Variants in PTN observed in about 807,000 individuals in gnomAD.
PTN encodes the protein heparin affin regulatory protein.
PTN carries 18 observed loss-of-function variants against 24.1 expected under a neutral mutation model. The observed-to-expected ratio is 0.75, with a 90% CI of 0.52 to 1.11. The LOEUF (loss-of-function observed/expected upper bound fraction) is 1.11, where lower values mean the gene tolerates loss of function less well. Ranked by LOEUF, PTN falls within the 50% of genes least tolerant of loss-of-function variation. The pLI, the probability that PTN is intolerant of heterozygous loss-of-function variation, is 0.00. For missense variants in PTN, 163 were observed against 198.8 expected, an observed-to-expected ratio of 0.82 and a Z score of 1.08; for synonymous variants, 78 against 68.6, an observed-to-expected ratio of 1.14 and a Z score of -0.67.
At chr7:137,269,278 C>A (rs527727399) in intron 1 of PTN, among the ~76,000 whole-genome samples, 7 of 152,172 alleles carry the variant, frequency 4.6e-5, no homozygotes, top group Non-Finnish European at 7.4e-5. Context: ...TCTATTGTTG[C>A]TCTCTTGATC....
At chr7:137,272,686 A>G (rs532999597) in intron 1 of PTN, among the ~76,000 whole-genome samples, 1 of 152,272 alleles carries the variant, frequency 6.6e-6, no homozygotes, top group African/African-American at 2.4e-5. Flanking sequence ...AATGCTAGCA[A>G]TTGACTTTCT....
chr7:137,302,320 C>T (rs1809818742), intron 1 of PTN, among the ~76,000 whole-genome samples: 1 of 151,962 alleles, frequency 6.6e-6, no homozygotes, highest in Non-Finnish European at 1.5e-5. Flanking sequence ...CCTCTAAGTT[C>T]TAGTTTCCAA....
intron 4 of PTN, among the ~76,000 whole-genome samples, chr7:137,249,700 G>A (rs187225829): frequency 1.3e-5 from 2 of 152,268 alleles, no homozygotes; most frequent in East Asian, 1.9e-4. Context: ...TTAGATTTAT[G>A]TGGTTGTCTC....
intron 1 of PTN, among the ~76,000 whole-genome samples, chr7:137,267,982 C>T (rs1157755252): frequency 1.3e-5 from 2 of 152,012 alleles, no homozygotes; most frequent in Non-Finnish European, 2.9e-5. Context: ...CAAGTCAAAA[C>T]AAAAACAAAA....
chr7:137,284,366 G>T (rs1809521927), intron 1 of PTN, among the ~76,000 whole-genome samples: 1 of 151,984 alleles, frequency 6.6e-6, no homozygotes, highest in African/African-American at 2.4e-5. Flanking sequence ...AAAAGGAAGA[G>T]GTCTTTTATT....
intron 1 of PTN, among the ~76,000 whole-genome samples, chr7:137,256,491 T>A (rs1486791685): frequency 2.0e-5 from 3 of 152,352 alleles, no homozygotes; most frequent in African/African-American, 7.2e-5. Flanking sequence ...GCAAAGGACA[T>A]GATCTCATTC....
At chr7:137,302,446 G>GA (rs1032835583) in intron 1 of PTN, among the ~76,000 whole-genome samples, 15 of 151,890 alleles carry the variant, frequency 9.9e-5, no homozygotes, top group African/African-American at 1.9e-4. Context: ...AATTCAATGA[G>GA]AAAAAATCAG....
At chr7:137,228,571 T>G (rs1229730231) in intron 4 of PTN, among the ~76,000 whole-genome samples, 1 of 151,710 alleles carries the variant, frequency 6.6e-6, no homozygotes, top group Admixed American at 6.6e-5. Flanking sequence ...GTGGTTCCAC[T>G]CCAGGTCGGC....
chr7:137,315,037 C>A (rs1810047852), intron 1 of PTN, among the ~76,000 whole-genome samples: 1 of 152,142 alleles, frequency 6.6e-6, no homozygotes, highest in Non-Finnish European at 1.5e-5. Flanking sequence ...TCCTGACACA[C>A]AGAAATTGGT....
intron 1 of PTN, among the ~76,000 whole-genome samples, chr7:137,322,129 C>T (rs1289404310): frequency 6.6e-6 from 1 of 152,070 alleles, no homozygotes; most frequent in Non-Finnish European, 1.5e-5. Flanking sequence ...TATTTTCTTC[C>T]TTACTACTTG....
intron 1 of PTN, among the ~76,000 whole-genome samples, chr7:137,330,089 T>A (rs1302305550): frequency 6.6e-6 from 1 of 151,924 alleles, no homozygotes; most frequent in Non-Finnish European, 1.5e-5. Flanking sequence ...GAGTTCAAGA[T>A]CAGCCTGGCC....
At chr7:137,288,820 C>T (rs1325775691) in intron 1 of PTN, among the ~76,000 whole-genome samples, 1 of 152,096 alleles carries the variant, frequency 6.6e-6, no homozygotes, top group Non-Finnish European at 1.5e-5. Context: ...AAAAGACTTT[C>T]AGTAAAAGTA....
rs1295266289 is a variant in PTN, at chr7:137,227,978, C to T, written c.*42G>A. On this transcript the variant is annotated 3_prime_UTR_variant, in exon 5 of 5. Transcript: ENST00000348225. ...ATATAAATGCAATAGTTAACTGATC[C>T]TGTTTGCTGATGTCCTTTTTATGTT... is the stretch of plus-strand genomic sequence containing the variant. 1.3e-6 allele frequency: 2 copies of T among 1,599,190 alleles called. No individual in the cohort carries two copies. The highest frequency in any genetic ancestry group is 1.1e-5 in the South Asian group (1 of 88,378).
chr7:137,296,329 T>G (rs1171869220), intron 1 of PTN, among the ~76,000 whole-genome samples: 1 of 152,028 alleles, frequency 6.6e-6, no homozygotes, highest in Non-Finnish European at 1.5e-5. Context: ...TAAAATACCA[T>G]ATTCCTGGAG....
intron 1 of PTN, among the ~76,000 whole-genome samples, chr7:137,259,449 T>C (rs961053210): frequency 2.6e-5 from 4 of 151,992 alleles, no homozygotes; most frequent in Non-Finnish European, 5.9e-5. Flanking sequence ...TTGAACTGTT[T>C]TGACATCTGC....
intron 1 of PTN, among the ~76,000 whole-genome samples, chr7:137,265,205 G>T (rs926453899): frequency 2.0e-5 from 3 of 152,048 alleles, no homozygotes; most frequent in Non-Finnish European, 2.9e-5. Context: ...TGTATTCCTC[G>T]TGGGACTCCA....
At chr7:137,331,575 A>C (rs1161799714) in intron 1 of PTN, among the ~76,000 whole-genome samples, 1 of 152,196 alleles carries the variant, frequency 6.6e-6, no homozygotes, top group Non-Finnish European at 1.5e-5. Flanking sequence ...ATAACAGAGC[A>C]AATAACTCCC....
At chr7:137,319,392 A>C (rs1810126239) in intron 1 of PTN, among the ~76,000 whole-genome samples, 1 of 152,184 alleles carries the variant, frequency 6.6e-6, no homozygotes, top group Non-Finnish European at 1.5e-5. Flanking sequence ...TTAAGTCTCC[A>C]AAGCGGGCAT....
At chr7:137,268,211 C>T (rs531374031) in intron 1 of PTN, among the ~76,000 whole-genome samples, 2 of 152,170 alleles carry the variant, frequency 1.3e-5, no homozygotes, top group East Asian at 3.9e-4. Context: ...AATGCCTACC[C>T]GGGAGCGCTC....
Sources: gnomAD v4.1 joint callset for allele counts (sites outside exome capture counted in the v4.1 genomes callset) on GRCh38, gnomAD v4.1.1 for gene constraint, MANE v1.5 for transcripts, NCBI Gene and HGNC (gene_info 2026-07-23, HGNC 2026-07-21) for gene names.